The following PCDHGA1 variants were observed in gnomAD, a reference collection of about 807,000 sequenced individuals.
PCDHGA1 encodes the protein protocadherin gamma subfamily A, 1, also known as protocadherin gamma-A1.
A neutral mutation model predicts 58.0 loss-of-function variants in PCDHGA1; 32 were observed. The observed-to-expected ratio is 0.55, with a 90% CI of 0.42 to 0.74. The LOEUF (loss-of-function observed/expected upper bound fraction) is 0.74. Among genes scored for constraint, PCDHGA1 ranks in the 30% least tolerant of loss-of-function variants. The probability of loss-of-function intolerance (pLI) is 0.00; values close to 1 mark genes in which losing one functional copy is unlikely to be tolerated. For missense variants in PCDHGA1, 1,205 were observed against 1,182.3 expected (o/e 1.02, Z -0.28); for synonymous variants, 498 against 501.1 (o/e 0.99, Z 0.08).
chr5:141,431,227 C>G lies in PCDHGA1; in HGVS notation c.2422-63580C>G. ...CTGAGATGCGGTTCCCTCTACCCCA[C>G]GCCTGGGATCCGGATATCGGGAAGA... On this transcript the variant is annotated intron_variant, in intron 1 of 3. Coordinates refer to ENST00000517417, the MANE Select transcript of PCDHGA1 (RefSeq NM_018912.3). This position sits in a 1 kb window ranked among gnomAD's most constrained non-coding sequence, Gnocchi z 4.8. 6.2e-7 allele frequency: 1 copy of G among 1,614,180 alleles called. No individual in the cohort carries two copies. Among genetic ancestry groups the G allele is most frequent in the Non-Finnish European group, 8.5e-7 (1 of 1,180,042 alleles).
chr5:141,508,971 T>C (rs776443205), intron 3 of PCDHGA1, among the ~76,000 whole-genome samples: 14 of 152,004 alleles, frequency 9.2e-5, no homozygotes, highest in Non-Finnish European at 2.1e-4. Context: ...ATGAAAGGGC[T>C]GGGGGTGGGG....
In PCDHGA1 at chr5:141,413,207, C is replaced by G. The variant is rs563279284; in HGVS notation, c.2421+80102C>G. The G allele has an allele frequency of 2.1e-4, 334 of 1,612,874 alleles. 3 individuals carry two copies. In the South Asian group the frequency reaches 3.4e-3, roughly 17 times the overall value. On this transcript the variant is annotated intron_variant, in intron 1 of 3. Coordinates refer to ENST00000517417, the MANE Select transcript of PCDHGA1 (RefSeq NM_018912.3). ...GCTCAAAGGAATCGCTCAAAGGAAT[C>G]AAAGGATTGCAGCGGGCTGGTCCTG... is the stretch of plus-strand genomic sequence containing the variant.
chr5:141,364,478 A>G (rs1225637792), intron 1 of PCDHGA1: 1 of 1,613,934 alleles, frequency 6.2e-7, no homozygotes, highest in Non-Finnish European at 8.5e-7. Context: ...CAACATAGCC[A>G]AGGACCTTGG....
chr5:141,340,488 C>G (rs1187147820), intron 1 of PCDHGA1: 3 of 1,614,246 alleles, frequency 1.9e-6, no homozygotes, highest in Non-Finnish European at 2.5e-6. Context: ...TCTTACATCT[C>G]TATCAACTCC....
In PCDHGA1 at chr5:141,486,077, C is replaced by T; in HGVS notation, c.2422-8730C>T. 6.2e-7 allele frequency: 1 copy of T among 1,614,186 alleles called. No individual in the cohort carries two copies. The highest frequency in any genetic ancestry group is 8.5e-7 in the Non-Finnish European group (1 of 1,180,024). ...TAGCCTGCACCCCACTACTGGAAAG[C>T]TTACTCTTTTGGGGCCCCTAGACTT... On this transcript the variant is annotated intron_variant, in intron 1 of 3. Coordinates refer to ENST00000517417, the MANE Select transcript of PCDHGA1 (RefSeq NM_018912.3). The surrounding 1 kb of genome is among the most constrained non-coding windows in gnomAD (Gnocchi z 5.0).
At chr5:141,398,775 C>T in intron 1 of PCDHGA1, 1 of 1,613,926 alleles carries the variant, frequency 6.2e-7, no homozygotes, top group African/African-American at 1.3e-5. Flanking sequence ...CTGCCTTGGA[C>T]GGTGGACATC....
chr5:141,405,192 G>A (rs2154536235), intron 1 of PCDHGA1: 5 of 1,613,938 alleles, frequency 3.1e-6, no homozygotes, highest in East Asian at 2.2e-5. Context: ...GATGGGGTTC[G>A]AGCTTTCCTA....
intron 1 of PCDHGA1, among the ~76,000 whole-genome samples, chr5:141,435,478 C>A (rs1279447863): frequency 6.6e-6 from 1 of 152,146 alleles, no homozygotes; most frequent in Non-Finnish European, 1.5e-5. Flanking sequence ...TTAGACATTT[C>A]TTTTGCCCAT....
chr5:141,409,690 A>T (rs778962490), intron 1 of PCDHGA1: 1 of 1,613,354 alleles, frequency 6.2e-7, no homozygotes, highest in South Asian at 1.1e-5. Context: ...CGAGTGACCT[A>T]GAGCCCCTGG....
rs777895357 is a variant in PCDHGA1, at chr5:141,357,337, G to A, written c.2421+24232G>A. On this transcript the variant is annotated intron_variant, in intron 1 of 3. Coordinates refer to ENST00000517417, the MANE Select transcript of PCDHGA1 (RefSeq NM_018912.3). ...CCTGGCTTTTGTCACGGTGCTGCTA[G>A]CACTCAAGCTGAGACGCTGGCACAA... The A allele has an allele frequency of 1.7e-5, 28 of 1,614,000 alleles. No homozygotes were observed. The highest frequency in any genetic ancestry group is 2.3e-5 in the Non-Finnish European group (27 of 1,179,954).
At position 141,383,086 on chromosome 5, in the gene PCDHGA1, G is replaced by A. The variant is rs373805952; in HGVS notation, c.2421+49981G>A. 3.1e-6 allele frequency: 5 copies of A among 1,613,788 alleles called. No individual in the cohort carries two copies. The African/African-American group carries it at 6.7e-5, about 22-fold the overall frequency. On this transcript the variant is annotated intron_variant, in intron 1 of 3. Transcript: ENST00000517417. ...GGAGCCCCGGGAGCTGGCGGAGCGC[G>A]GAGTCCGCATCATCTCCAGAGGTAG...
intron 1 of PCDHGA1, chr5:141,399,816 G>A: frequency 1.2e-6 from 2 of 1,613,196 alleles, no homozygotes; most frequent in Non-Finnish European, 1.7e-6. Context: ...ACCCCGCGCT[G>A]GGTCCCGACG....
chr5:141,445,272 T>C (rs1057201147), intron 1 of PCDHGA1, among the ~76,000 whole-genome samples: 1 of 152,236 alleles, frequency 6.6e-6, no homozygotes, highest in Non-Finnish European at 1.5e-5. Flanking sequence ...TCGAAACCAC[T>C]CTGCATAAGT....
In PCDHGA1 at chr5:141,345,423, A is replaced by G. The variant is rs190743421; in HGVS notation, c.2421+12318A>G. On this transcript the variant is annotated intron_variant, in intron 1 of 3. Coordinates refer to ENST00000517417, the MANE Select transcript of PCDHGA1 (RefSeq NM_018912.3). ...ATCCTACTCCGCCTACATTCCAGAAAACAACCCCAGAGGAGCCTCCATCTT... is the reference window on the plus strand; with the variant it reads ...ATCCTACTCCGCCTACATTCCAGAAGACAACCCCAGAGGAGCCTCCATCTT... The G allele has an allele frequency of 9.9e-5, 160 of 1,613,976 alleles. No homozygotes were observed. The African/African-American group carries it at 1.9e-3, about 20-fold the overall frequency.
chr5:141,383,072 AG>A lies in PCDHGA1; in HGVS notation c.2421+49968del, dbSNP rs747790551. ...AAGGACCTGGGGCTGGAGCCCCGGG[AG>A]CTGGCGGAGCGCGGAGTCCGCATCA... On this transcript the variant is annotated intron_variant, in intron 1 of 3. Transcript: ENST00000517417. The A allele has an allele frequency of 4.3e-6, 7 of 1,613,710 alleles. No homozygotes were observed. In the African/African-American group the frequency reaches 6.7e-5, roughly 15 times the overall value.
At chr5:141,389,311 A>C in intron 1 of PCDHGA1, 2 of 1,613,988 alleles carry the variant, frequency 1.2e-6, no homozygotes, top group Non-Finnish European at 1.7e-6. Context: ...AGGGCTTCTG[A>C]TCCGGACTTG....
intron 1 of PCDHGA1, chr5:141,370,493 C>T: frequency 6.2e-7 from 1 of 1,613,944 alleles, no homozygotes; most frequent in Non-Finnish European, 8.5e-7. Flanking sequence ...CCGAACCGAT[C>T]CGCTACGCTA....
In PCDHGA1 at chr5:141,477,510, A is replaced by G; in HGVS notation, c.2422-17297A>G. On this transcript the variant is annotated intron_variant, in intron 1 of 3. Transcript: ENST00000517417. This position sits in a 1 kb window ranked among gnomAD's most constrained non-coding sequence, Gnocchi z 4.9. ...TCTTCTCAATCTTCCTACGACGTTT[A>G]CATTGAAGAAAACAACCTCCCCGGG... is the stretch of plus-strand genomic sequence containing the variant. 3 of 1,614,172 alleles carry G rather than the reference A, an allele frequency of 1.9e-6. No homozygotes were observed. Among genetic ancestry groups the G allele is most frequent in the Non-Finnish European group, 2.5e-6 (3 of 1,180,018 alleles).
chr5:141,345,287 T>C (rs1757548460), intron 1 of PCDHGA1: 2 of 1,613,954 alleles, frequency 1.2e-6, no homozygotes, highest in East Asian at 4.5e-5. Context: ...TATCAGAATA[T>C]AACATTAGTC....
Sources: allele counts gnomAD v4.1 joint callset (sites outside exome capture counted in the v4.1 genomes callset), GRCh38; gene constraint gnomAD v4.1.1; non-coding constraint Gnocchi (gnomAD v3.1); transcripts MANE v1.5; gene names NCBI Gene and HGNC (gene_info 2026-07-23, HGNC 2026-07-21).